SOX5: variants seen among roughly 807,000 people sequenced by gnomAD.
The protein encoded by SOX5 is SRY-box transcription factor 5.
SOX5 carries 9 observed loss-of-function variants against 92.0 expected under a neutral mutation model. That is an observed-to-expected ratio of 0.10 (90% confidence interval 0.06 to 0.17). SOX5 has a LOEUF of 0.17. Among genes scored for constraint, SOX5 ranks in the 10% least tolerant of loss-of-function variants. The pLI is 1.00. For missense variants in SOX5, 642 were observed against 944.5 expected (o/e 0.68, Z 4.20); for synonymous variants, 344 against 336.3 (o/e 1.02, Z -0.25).
chr12:24,499,167 G>A (rs986299502), intron 1 of SOX5, among the ~76,000 whole-genome samples: 5 of 152,194 alleles, frequency 3.3e-5, no homozygotes, highest in Admixed American at 6.5e-5. Context: ...CTCATCGTCT[G>A]TTCCCTTATC....
At chr12:24,238,456 A>G in intron 3 of SOX5, among the ~76,000 whole-genome samples, 1 of 152,194 alleles carries the variant, frequency 6.6e-6, no homozygotes, top group Non-Finnish European at 1.5e-5. Context: ...GGCTCAGGTG[A>G]TCCTCCCACC....
rs192156425 is a variant in SOX5 at position 23,571,728 on chromosome 12, T to C, written c.1342+3933A>G. ...TTCCTTAAAATTAAAGCTGAGGTAA[T>C]AAATATAGAATCATAGAACTGTCTA... is the stretch of plus-strand genomic sequence containing the variant. On this transcript the variant is annotated intron_variant, in intron 10 of 14. Coordinates refer to ENST00000451604, the MANE Select transcript of SOX5 (RefSeq NM_006940.6). Among the ~76,000 whole-genome samples the C allele has an allele frequency of 1.1e-3, 163 of 152,268 alleles. 1 individual carries two copies. Among genetic ancestry groups the C allele is most frequent in the Middle Eastern group, 0.01 (3 of 294 alleles).
At chr12:24,168,375 C>T (rs145859133) in intron 4 of SOX5, among the ~76,000 whole-genome samples, 1 of 152,150 alleles carries the variant, frequency 6.6e-6, no homozygotes, top group East Asian at 1.9e-4. Context: ...TATTTATTTG[C>T]TTTTTAAAAT....
At chr12:24,149,323 C>T (rs925010031) in intron 4 of SOX5, among the ~76,000 whole-genome samples, 9 of 151,610 alleles carry the variant, frequency 5.9e-5, no homozygotes, top group South Asian at 4.2e-4. Context: ...ACTTATAATC[C>T]GAAAATATAT....
At chr12:24,530,434 G>A (rs1211419212) in intron 1 of SOX5, among the ~76,000 whole-genome samples, 1 of 152,076 alleles carries the variant, frequency 6.6e-6, no homozygotes, top group African/African-American at 2.4e-5. Flanking sequence ...CCATTATAAG[G>A]TGGGAGAAGT....
rs969629587 is a variant in SOX5 at position 24,064,363 on chromosome 12, T to A, written c.-2+148980A>T. On this transcript the variant is annotated intron_variant, in intron 4 of 4. Coordinates refer to the SOX5 transcript ENST00000446891. Reference sequence around the variant, plus strand: ...TCTTATGTACACTGGTACAGTAGGTTCTAAATTGACTTTTGAACATCTGGT... The same window carrying A: ...TCTTATGTACACTGGTACAGTAGGTACTAAATTGACTTTTGAACATCTGGT... 1.8e-4 allele frequency among the ~76,000 whole-genome samples: 27 copies of A among 152,208 alleles called. 1 individual carries two copies. Among genetic ancestry groups the A allele is most frequent in the African/African-American group, 6.5e-4 (27 of 41,452 alleles).
chr12:23,755,767 C>G, intron 3 of SOX5, 43 bp from the exon 4 acceptor site: 1 of 1,285,212 alleles, frequency 7.8e-7, no homozygotes, highest in Non-Finnish European at 1.1e-6. Context: ...ACATGACTCT[C>G]CTTACAATGG....
At chr12:24,099,799 C>T (rs1490514188) in intron 4 of SOX5, among the ~76,000 whole-genome samples, 1 of 152,072 alleles carries the variant, frequency 6.6e-6, no homozygotes, top group Non-Finnish European at 1.5e-5. Flanking sequence ...AAGGCTTCCT[C>T]CTCCCTACAC....
At chr12:24,366,709 T>A (rs1956210872) in intron 2 of SOX5, among the ~76,000 whole-genome samples, 1 of 152,158 alleles carries the variant, frequency 6.6e-6, no homozygotes, top group African/African-American at 2.4e-5. Context: ...ACCTTTCCTA[T>A]CTAGTGTAAA....
intron 12 of SOX5, among the ~76,000 whole-genome samples, chr12:23,543,725 A>G (rs575864264): frequency 2.6e-5 from 4 of 152,362 alleles, no homozygotes; most frequent in Admixed American, 1.3e-4. Context: ...CAGGCATACC[A>G]GTAGTGTAGA....
chr12:23,660,531 A>G (rs192381943), intron 7 of SOX5, among the ~76,000 whole-genome samples: 1 of 152,342 alleles, frequency 6.6e-6, no homozygotes, highest in East Asian at 1.9e-4. Context: ...AAACAAATAA[A>G]CCAAATATTG....
chr12:23,572,798 G>A (rs947721061), intron 10 of SOX5, among the ~76,000 whole-genome samples: 8 of 152,166 alleles, frequency 5.3e-5, no homozygotes, highest in Non-Finnish European at 2.9e-5. Flanking sequence ...GCTGAGCAGA[G>A]TAACTGGAGT....
chr12:24,285,146 GA>G (rs983051936), intron 2 of SOX5, among the ~76,000 whole-genome samples: 5 of 150,424 alleles, frequency 3.3e-5, no homozygotes, highest in African/African-American at 7.3e-5. Context: ...CAAAAAGAAA[GA>G]AAAAAAAATA....
At chr12:23,979,707 G>GTTGTTGTTTTTTT (rs1949333613) in intron 4 of SOX5, among the ~76,000 whole-genome samples, 2 of 77,500 alleles carry the variant, frequency 2.6e-5, no homozygotes, top group Admixed American at 2.0e-4. Flanking sequence ...TGTTTTTTTT[G>GTTGTTGTTTTTTT]TTTTTTTTTT....
chr12:24,115,420 C>G (rs928063945), intron 4 of SOX5, among the ~76,000 whole-genome samples: 3 of 152,102 alleles, frequency 2.0e-5, no homozygotes, highest in African/African-American at 7.2e-5. Context: ...AATTTTTGTT[C>G]CTTGCAAAGT....
chr12:24,562,547 TCGCG>T (rs1295393413), upstream of SOX5: 1 of 153,706 alleles, frequency 6.5e-6, no homozygotes, highest in Non-Finnish European at 1.4e-5. Context: ...GCCCGCTCGC[TCGCG>T]CTCCCCGTGT....
At chr12:24,333,365 A>C (rs1057111709) in intron 2 of SOX5, among the ~76,000 whole-genome samples, 3 of 152,076 alleles carry the variant, frequency 2.0e-5, no homozygotes, top group African/African-American at 4.8e-5. Context: ...TTCTGATCAA[A>C]GAGGCAGCAA....
intron 11 of SOX5, among the ~76,000 whole-genome samples, chr12:23,547,359 T>A (rs10842179): frequency 0.21 from 31,752 of 152,010 alleles, 3,809 homozygotes; most frequent in Middle Eastern, 0.36. Flanking sequence ...CATAACATTA[T>A]CTCAAGTTTC....
chr12:23,530,827 G>GCGCGCGCA lies in SOX5; in HGVS notation c.*3391_*3392insTGCGCGCG, dbSNP rs1565537512. On this transcript the variant is annotated 3_prime_UTR_variant, in exon 15 of 15. Coordinates refer to ENST00000451604, the MANE Select transcript of SOX5 (RefSeq NM_006940.6). ...TGTGTGTGTGTGTGTGTGCGCGCGCGCGCGCGCGCATGTGAGAGAGAGAGA... is the reference window on the plus strand; with the variant it reads ...TGTGTGTGTGTGTGTGTGCGCGCGCGCGCGCGCACGCGCGCGCATGTGAGAGAGAGAGA... 1 of 148,152 alleles carries GCGCGCGCA rather than the reference G, an allele frequency of 6.7e-6. No homozygotes were observed. The highest frequency in any genetic ancestry group is 2.0e-4 in the East Asian group (1 of 5,066). 9.2% of individuals were successfully genotyped at this position (148,152 alleles called of 1,614,324 possible).
Sources: gnomAD v4.1 joint callset for allele counts (sites outside exome capture counted in the v4.1 genomes callset) on GRCh38, gnomAD v4.1.1 for gene constraint, MANE v1.5 for transcripts, NCBI Gene and HGNC (gene_info 2026-07-23, HGNC 2026-07-21) for gene names.